Variants in TAS1R2 observed in about 807,000 individuals in gnomAD.
TAS1R2 encodes the protein taste receptor type 1 member 2.
A neutral mutation model predicts 49.3 loss-of-function variants in TAS1R2; 47 were observed. That is an observed-to-expected ratio of 0.95 (90% CI 0.75 to 1.22). The LOEUF is 1.22. Among genes scored for constraint, TAS1R2 ranks in the 50% most tolerant of loss-of-function variants. The pLI, the probability that TAS1R2 is intolerant of heterozygous loss-of-function variation, is 0.00. For synonymous variants in TAS1R2, 479 were observed against 467.9 expected (o/e 1.02, Z -0.31); for missense variants, 1,155 against 1,122.1 (o/e 1.03, Z -0.42).
In TAS1R2 at chr1:18,839,775, C is replaced by T. The variant is rs753783972; in HGVS notation, c.2344G>A (p.Ala782Thr). The T allele has an allele frequency of 9.9e-6, 16 of 1,614,094 alleles. 1 individual carries two copies. In the South Asian group the frequency reaches 1.5e-4, roughly 16 times the overall value. The change falls in exon 6 of 6, where the codon GCC (alanine) becomes ACC (threonine). Residue 782 changes from alanine (A) to threonine (T), a missense_variant. Coordinates refer to ENST00000375371, the Ensembl canonical transcript of TAS1R2. ...ATGGTGACCAGCACCCCGCTGTAGG[C>T]AGACATGAAGGTGCAGAGGGAGACG...
rs1006623048 is a variant in TAS1R2, at chr1:18,840,612, A to G, written c.1592-85T>C. 10 of 1,451,160 alleles carry G rather than the reference A, an allele frequency of 6.9e-6. No homozygotes were observed. The African/African-American group carries it at 1.3e-4, about 18-fold the overall frequency. The allele number at this position is 1,451,160 out of a possible 1,614,324, so 89.9% of individuals were successfully genotyped here. A position where few individuals can be genotyped will look rare whatever the true frequency, so the allele number is the denominator to read the frequency against. On this transcript the variant is annotated intron_variant, in intron 5 of 5. Transcript: ENST00000375371. ...CCAGCCCTGCACAGGGCCAGGCTCC[A>G]GGGATGAAGAGAGAGCACCAAGGGC...
exon 2 of TAS1R2, chr1:18,857,359 T>C (rs748866010): frequency 2.5e-6 from 4 of 1,613,940 alleles, no homozygotes; most frequent in African/African-American, 2.7e-5. Flanking sequence ...GGAGAGGAAG[T>C]TGGCCACAGT....
rs780557714 is a variant in TAS1R2, at chr1:18,840,106, G to C, written c.2013C>G (p.Tyr671Ter). 6.2e-7 allele frequency: 1 copy of C among 1,614,276 alleles called. No homozygotes were observed. Among genetic ancestry groups the C allele is most frequent in the Non-Finnish European group, 8.5e-7 (1 of 1,180,052 alleles). Residue 671 changes from tyrosine to a stop codon, truncating the protein, a stop_gained, in exon 6 of 6, where the codon TAC becomes TAG. Transcript: ENST00000375371. LOFTEE classifies it low-confidence loss of function (END_TRUNC). ...CGTAGGGCCCCTGGTAGCGGACCCAGTAGCTGTAGGCGCGTGGGAAGCGGC... is the reference window on the plus strand; with the variant it reads ...CGTAGGGCCCCTGGTAGCGGACCCACTAGCTGTAGGCGCGTGGGAAGCGGC...
chr1:18,848,819 T>C (rs1933968542), intron 4 of TAS1R2, among the ~76,000 whole-genome samples: 1 of 152,226 alleles, frequency 6.6e-6, no homozygotes, highest in Admixed American at 6.5e-5. Flanking sequence ...ATCGTCTAGT[T>C]GCAGGAAAAC....
rs1274308271 is a variant in TAS1R2, at chr1:18,854,391, T to C, written c.1079A>G (p.Asn360Ser). 17 of 1,613,864 alleles carry C rather than the reference T, an allele frequency of 1.1e-5. No homozygotes were observed. Among genetic ancestry groups the C allele is most frequent in the Non-Finnish European group, 1.4e-5 (17 of 1,179,948 alleles). ...GTTCAGGCAGTTGTCGCACTCCTGGTTGCAGGTATAGCTCTGGCTGGTCCT... is the reference window on the plus strand; with the variant it reads ...GTTCAGGCAGTTGTCGCACTCCTGGCTGCAGGTATAGCTCTGGCTGGTCCT... Residue 360 changes from asparagine (N) to serine (S), a missense_variant, in exon 3 of 6, where the codon AAC becomes AGC. By Grantham distance (46) the Asn-to-Ser change is conservative (BLOSUM62 1). Coordinates refer to ENST00000375371, the Ensembl canonical transcript of TAS1R2. This position sits in a 1 kb window ranked among gnomAD's most constrained non-coding sequence, Gnocchi z 4.9.
At position 18,854,437 on chromosome 1, in the gene TAS1R2, C is replaced by T; in HGVS notation, c.1033G>A (p.Ala345Thr). Residue 345 changes from alanine to threonine, a missense_variant, in exon 3 of 6, where the codon GCT becomes ACT. Transcript: ENST00000375371. This position sits in a 1 kb window ranked among gnomAD's most constrained non-coding sequence, Gnocchi z 4.9. ...GTCCTGCTGAGGGGTGGCGGCCCAGCCTGTGGGCCCCACTCGCGGAACTCA... is the reference window on the plus strand; with the variant it reads ...GTCCTGCTGAGGGGTGGCGGCCCAGTCTGTGGGCCCCACTCGCGGAACTCA... 6.2e-7 allele frequency: 1 copy of T among 1,614,136 alleles called. No individual in the cohort carries two copies. Among genetic ancestry groups the T allele is most frequent in the Non-Finnish European group, 8.5e-7 (1 of 1,180,010 alleles).
At chr1:18,849,283 C>T (rs1933976695) in intron 4 of TAS1R2, 58 bp downstream of exon 4, 6 of 1,582,612 alleles carry the variant, frequency 3.8e-6, no homozygotes, top group African/African-American at 1.3e-5. Flanking sequence ...CTAGCCACTC[C>T]AGCAAGGGCC....
Position 18,859,397 on chromosome 1 carries a change from T to C in TAS1R2, c.182+82A>G. On this transcript the variant is annotated intron_variant, in intron 1 of 5. Transcript: ENST00000375371. ...GTGCTTTAAGCCCTTGGTCCTGGTC[T>C]GGCTCCCAAGGACCCACAGGACCAG... 4 of 1,535,610 alleles carry C rather than the reference T, an allele frequency of 2.6e-6. No homozygotes were observed. In the Admixed American group the frequency reaches 5.1e-5, roughly 20 times the overall value.
intron 4 of TAS1R2, 24 bp downstream of exon 4, chr1:18,849,317 C>A: frequency 1.2e-6 from 2 of 1,612,232 alleles, no homozygotes; most frequent in Non-Finnish European, 1.7e-6. Context: ...CAGGCCTGCC[C>A]ACCCACCAGG....
chr1:18,841,696 G>T (rs377541391), intron 5 of TAS1R2, 33 bp downstream of exon 5: 1 of 1,598,838 alleles, frequency 6.3e-7, no homozygotes, highest in African/African-American at 1.3e-5. Context: ...CAGGGCAGGG[G>T]CAGGGCAGGA....
Position 18,849,391 on chromosome 1 carries a change from G to A in TAS1R2, c.1417C>T (p.Arg473Ter), listed in dbSNP as rs1020801784. Residue 473 changes from arginine to a stop codon, truncating the protein, a stop_gained, in exon 4 of 6, where the codon CGA becomes TGA. Transcript: ENST00000375371. LOFTEE classifies it high-confidence loss of function. ...ATGTCTTGGATGTTCTTCAGCTGTC[G>A]CTGCAGGGGGTAGTAGGAGGCGACG... The A allele has an allele frequency of 1.2e-5, 20 of 1,614,072 alleles. No homozygotes were observed. The highest frequency in any genetic ancestry group is 5.0e-5 in the Admixed American group (3 of 60,012).
chr1:18,854,297 C>A lies in TAS1R2; in HGVS notation c.1173G>T (p.Ala391=). 1 of 1,614,130 alleles carries A rather than the reference C, an allele frequency of 6.2e-7. No homozygotes were observed. The highest frequency in any genetic ancestry group is 8.5e-7 in the Non-Finnish European group (1 of 1,180,002). Residue 391 remains alanine (A), a synonymous_variant, in exon 3 of 6, where the codon GCG becomes GCT. Transcript: ENST00000375371. The surrounding 1 kb of genome is among the most constrained non-coding windows in gnomAD (Gnocchi z 4.9). ...GCAGGGCATGGGCCACAGCATAGAC[C>A]GCAGAGTACACGCTGTAGACGACAC...
intron 4 of TAS1R2, among the ~76,000 whole-genome samples, chr1:18,847,629 T>A (rs1933946899): frequency 6.6e-6 from 1 of 152,154 alleles, no homozygotes. Context: ...CAGGTCTCTA[T>A]CCTTTCCTAC....
intron 4 of TAS1R2, 108 bp from the exon 5 acceptor site, chr1:18,841,960 C>G: frequency 1.7e-6 from 2 of 1,145,926 alleles, no homozygotes; most frequent in East Asian, 3.0e-5. Flanking sequence ...TAGAAGCCCC[C>G]TAGGTTTTGG....
exon 2 of TAS1R2, chr1:18,857,594 C>T (rs1934160632): frequency 3.7e-6 from 6 of 1,614,080 alleles, no homozygotes; most frequent in Non-Finnish European, 5.1e-6. Context: ...AAGCGCATGG[C>T]CTGCATGAGG....
At chr1:18,841,600 C>T in intron 5 of TAS1R2, 129 bp downstream of exon 5, 2 of 1,360,374 alleles carry the variant, frequency 1.5e-6, no homozygotes, top group Non-Finnish European at 2.0e-6. Flanking sequence ...GGTCCCTGGC[C>T]TTTGGACACT....
rs1174645355 is a variant in TAS1R2 at position 18,857,313 on chromosome 1, A to G, written c.483+18T>C. 4 of 1,606,352 alleles carry G rather than the reference A, an allele frequency of 2.5e-6. No homozygotes were observed. The East Asian group carries it at 6.7e-5, about 27-fold the overall frequency. On this transcript the variant is annotated intron_variant, in intron 2 of 5. Coordinates refer to ENST00000375371, the Ensembl canonical transcript of TAS1R2. ...TGCCCCCCTCCCCAGGTCCTTCTCC[A>G]GGGCCCAGGGGCCTCACCTGTGGAA... is the stretch of plus-strand genomic sequence containing the variant.
chr1:18,857,919 T>C (rs957143531), intron 1 of TAS1R2, among the ~76,000 whole-genome samples: 2 of 152,028 alleles, frequency 1.3e-5, no homozygotes, highest in East Asian at 1.9e-4. Flanking sequence ...AATGTGACCA[T>C]CATTATCCAC....
At chr1:18,855,741 C>G (rs1038211419) in intron 2 of TAS1R2, among the ~76,000 whole-genome samples, 4 of 152,188 alleles carry the variant, frequency 2.6e-5, no homozygotes, top group Admixed American at 6.5e-5. Context: ...ACCCTGTTCT[C>G]CTCTGAGCCT....
Sources: gnomAD v4.1 joint callset for allele counts (sites outside exome capture counted in the v4.1 genomes callset) on GRCh38, gnomAD v4.1.1 for gene constraint, Gnocchi (gnomAD v3.1) non-coding constraint, MANE v1.5 for transcripts, NCBI Gene and HGNC (gene_info 2026-07-23, HGNC 2026-07-21) for gene names.